MAPK4: variants seen among roughly 807,000 people sequenced by gnomAD.
The protein encoded by MAPK4 is mitogen-activated protein kinase 4.
A neutral mutation model predicts 47.7 loss-of-function variants in MAPK4; 22 were observed. The ratio of observed to expected loss-of-function variants is 0.46; its 90% CI spans 0.33 to 0.66. The LOEUF is 0.66. Among genes scored for constraint, MAPK4 ranks in the 30% least tolerant of loss-of-function variants. The pLI is 0.02. For missense variants in MAPK4, 736 were observed against 831.7 expected (o/e 0.88, Z 1.42); for synonymous variants, 390 against 365.7 (o/e 1.07, Z -0.76).
intron 1 of MAPK4, among the ~76,000 whole-genome samples, chr18:50,570,067 G>A (rs948714754): frequency 6.6e-6 from 1 of 152,204 alleles, no homozygotes; most frequent in African/African-American, 2.4e-5. Flanking sequence ...GGGAAAGTTG[G>A]CTCAAATTAC....
chr18:50,659,299 T>G (rs1380993042), intron 1 of MAPK4, among the ~76,000 whole-genome samples: 1 of 152,158 alleles, frequency 6.6e-6, no homozygotes, highest in African/African-American at 2.4e-5. Flanking sequence ...CATGCTCAGC[T>G]GGAAATAGCG....
At chr18:50,599,769 T>C (rs1368195646) in intron 1 of MAPK4, among the ~76,000 whole-genome samples, 1 of 152,214 alleles carries the variant, frequency 6.6e-6, no homozygotes, top group East Asian at 1.9e-4. Flanking sequence ...TATAAATGTA[T>C]TTAAAACAGG....
chr18:50,650,836 T>TGAG (rs1274064046), intron 1 of MAPK4, among the ~76,000 whole-genome samples: 1 of 152,224 alleles, frequency 6.6e-6, no homozygotes, highest in Admixed American at 6.5e-5. Context: ...CTTAATTATT[T>TGAG]GAGGAGGAGG....
Position 50,645,296 on chromosome 18 carries a change from C to T in MAPK4, c.-870-17793C>T, listed in dbSNP as rs1398469217. ...TAAAGATGAGAGGTGAATGCCAACG[C>T]GCTGTCCATAGTGGCCTTAGAAATG... On this transcript the variant is annotated intron_variant, in intron 1 of 5. Coordinates refer to ENST00000400384, the MANE Select transcript of MAPK4 (RefSeq NM_002747.4). Among the ~76,000 whole-genome samples, 25 of 151,990 alleles carry T rather than the reference C, an allele frequency of 1.6e-4. 1 individual carries two copies. Among genetic ancestry groups the T allele is most frequent in the South Asian group, 1.0e-3 (5 of 4,828 alleles).
chr18:50,630,579 G>T (rs1300325096), intron 1 of MAPK4, among the ~76,000 whole-genome samples: 1 of 152,192 alleles, frequency 6.6e-6, no homozygotes, highest in African/African-American at 2.4e-5. Context: ...ACCTGACCCA[G>T]CTCCTCTGTC....
intron 2 of MAPK4, among the ~76,000 whole-genome samples, chr18:50,680,078 CTTTTTTTTTTTTTTT>C (rs138992946): frequency 9.2e-5 from 5 of 54,356 alleles, no homozygotes; most frequent in Non-Finnish European, 1.2e-4. Context: ...TGCTTTTAAA[CTTTTTTTTTTTTTTT>C]TTTTTTTTTT....
chr18:50,704,911 A>G (rs950311119), intron 2 of MAPK4: 17 of 396,948 alleles, frequency 4.3e-5, no homozygotes, highest in Non-Finnish European at 6.2e-5. Context: ...ATTATTACCC[A>G]CTCCTCAAAA....
intron 2 of MAPK4, among the ~76,000 whole-genome samples, chr18:50,692,769 G>A (rs544938558): frequency 5.9e-5 from 9 of 152,240 alleles, no homozygotes; most frequent in African/African-American, 1.9e-4. Flanking sequence ...AATGACACCT[G>A]TTTCCATCAG....
At chr18:50,720,646 G>A (rs2144465276) in intron 3 of MAPK4, among the ~76,000 whole-genome samples, 1 of 152,274 alleles carries the variant, frequency 6.6e-6, no homozygotes, top group South Asian at 2.1e-4. Flanking sequence ...CAGGAGAGGG[G>A]TCAGGGGCTT....
intron 2 of MAPK4, among the ~76,000 whole-genome samples, chr18:50,707,410 A>T (rs914484133): frequency 6.6e-5 from 10 of 151,998 alleles, no homozygotes; most frequent in African/African-American, 2.4e-4. Flanking sequence ...TCTCTACAAA[A>T]AATACAAAAA....
chr18:50,615,549 C>T (rs150610698), intron 1 of MAPK4, among the ~76,000 whole-genome samples: 133 of 152,268 alleles, frequency 8.7e-4, no homozygotes, highest in African/African-American at 3.0e-3. Flanking sequence ...CCTGCAGCTG[C>T]GCACATCAAT....
chr18:50,572,904 C>G (rs896942213), intron 1 of MAPK4, among the ~76,000 whole-genome samples: 1 of 152,128 alleles, frequency 6.6e-6, no homozygotes, highest in Non-Finnish European at 1.5e-5. Context: ...TAATCTAAAA[C>G]TATATTGCCT....
chr18:50,634,526 C>T (rs1287553960), intron 1 of MAPK4, among the ~76,000 whole-genome samples: 2 of 152,076 alleles, frequency 1.3e-5, no homozygotes, highest in African/African-American at 4.8e-5. Context: ...CACATCCTGC[C>T]TTCTGTCATA....
chr18:50,720,935 T>C (rs1010028305), intron 3 of MAPK4, among the ~76,000 whole-genome samples: 6 of 152,144 alleles, frequency 3.9e-5, no homozygotes, highest in Admixed American at 3.9e-4. Flanking sequence ...CTAGGCTGGA[T>C]GACTGGAAGA....
chr18:50,616,204 T>C (rs1220992500), intron 1 of MAPK4, among the ~76,000 whole-genome samples: 1 of 152,170 alleles, frequency 6.6e-6, no homozygotes, highest in African/African-American at 2.4e-5. Flanking sequence ...CTTCTAATGC[T>C]ACAAAGAAAG....
At position 50,567,838 on chromosome 18, in the gene MAPK4, A is replaced by G. The variant is rs190268603; in HGVS notation, c.-871+7595A>G. On this transcript the variant is annotated intron_variant, in intron 1 of 5. Transcript: ENST00000400384. ...TGTAGTGTTTTTTTAAAAAAAAAAA[A>G]TGACCTGTCATTTGTCAAAAGGAAA... is the stretch of plus-strand genomic sequence containing the variant. Among the ~76,000 whole-genome samples, 468 of 151,064 alleles carry G rather than the reference A, an allele frequency of 3.1e-3. 1 individual carries two copies. Among genetic ancestry groups the G allele is most frequent in the Non-Finnish European group, 5.2e-3 (355 of 67,742 alleles).
chr18:50,564,736 T>G (rs2042183884), intron 1 of MAPK4, among the ~76,000 whole-genome samples: 1 of 152,232 alleles, frequency 6.6e-6, no homozygotes, highest in East Asian at 1.9e-4. Context: ...CTTCTTTTTC[T>G]AGTGTGGCTG....
rs1188472200 is a variant in MAPK4, at chr18:50,729,599, C to T, written c.1509C>T (p.Gly503=). 7.9e-6 allele frequency: 11 copies of T among 1,387,010 alleles called. No homozygotes were observed. Among genetic ancestry groups the T allele is most frequent in the Non-Finnish European group, 1.0e-5 (11 of 1,073,642 alleles). The allele number at this position is 1,387,010 out of a possible 1,614,324, so 85.9% of individuals were successfully genotyped here. ...AGTGGGTCAAGAGCACGCAGGGCGG[C>T]CCAGAGCACGCCAGCCCGCCCGCCG... ...IAQWVKSTQG[G]PEHASPPADD... Residue 503 remains glycine (G), a synonymous_variant, in exon 6 of 6, where the codon GGC becomes GGT. Coordinates refer to ENST00000400384, the MANE Select transcript of MAPK4 (RefSeq NM_002747.4).
intron 2 of MAPK4, among the ~76,000 whole-genome samples, chr18:50,683,959 A>T (rs1342150790): frequency 1.3e-5 from 2 of 152,198 alleles, no homozygotes; most frequent in Non-Finnish European, 2.9e-5. Flanking sequence ...ACCAGCAGGA[A>T]GTGGGTCAGG....
Sources: gnomAD v4.1 joint callset for allele counts (sites outside exome capture counted in the v4.1 genomes callset) on GRCh38, gnomAD v4.1.1 for gene constraint, MANE v1.5 for transcripts, NCBI Gene and HGNC (gene_info 2026-07-23, HGNC 2026-07-21) for gene names.